Variants in HMCN1 observed in about 807,000 individuals in gnomAD.
HMCN1 encodes the protein hemicentin-1.
Under a neutral mutation model 625.9 loss-of-function variants are expected in HMCN1, and 321 were observed. The observed-to-expected ratio is 0.51, with a 90% CI of 0.47 to 0.56. HMCN1 has a LOEUF of 0.56. Ranked by LOEUF, HMCN1 falls within the 20% of genes least tolerant of loss-of-function variation. HMCN1 has a pLI of 0.00. For missense variants in HMCN1, 6,588 were observed against 6,887.3 expected (o/e 0.96, Z 1.54); for synonymous variants, 2,425 against 2,417.6 (o/e 1.00, Z -0.09).
intron 1 of HMCN1, among the ~76,000 whole-genome samples, chr1:185,845,069 G>T (rs1191958968): frequency 6.6e-6 from 1 of 152,164 alleles, no homozygotes; most frequent in East Asian, 1.9e-4. Flanking sequence ...TGTGAGGATG[G>T]CCACAGCCCT....
chr1:185,983,267 C>T (rs1326741536), intron 18 of HMCN1, among the ~76,000 whole-genome samples: 4 of 151,916 alleles, frequency 2.6e-5, no homozygotes, highest in African/African-American at 9.7e-5. Flanking sequence ...TCTTCTGGCT[C>T]AGAGCATTTT....
intron 52 of HMCN1, among the ~76,000 whole-genome samples, chr1:186,073,219 G>A (rs962552082): frequency 6.6e-6 from 1 of 152,134 alleles, no homozygotes; most frequent in Non-Finnish European, 1.5e-5. Flanking sequence ...ATGAACACAA[G>A]TTAAACTCTG....
At chr1:185,876,994 T>C (rs1663981824) in intron 4 of HMCN1, among the ~76,000 whole-genome samples, 3 of 152,078 alleles carry the variant, frequency 2.0e-5, no homozygotes, top group Non-Finnish European at 4.4e-5. Context: ...GATCAAGGTT[T>C]AGAAGAGCTT....
Position 186,008,340 on chromosome 1 carries a change from A to G in HMCN1, c.4630+1058A>G, listed in dbSNP as rs558493281. On this transcript the variant is annotated intron_variant, in intron 30 of 106. Coordinates refer to ENST00000271588, the MANE Select transcript of HMCN1 (RefSeq NM_031935.3). ...CAAACTAAGATGCACTGTTATATAA[A>G]CTACACACCAGATATCAAAAGCTTA... 7.2e-5 allele frequency among the ~76,000 whole-genome samples: 11 copies of G among 152,232 alleles called. No individual in the cohort carries two copies. In the South Asian group the frequency reaches 1.9e-3, roughly 26 times the overall value.
At chr1:185,906,214 C>G (rs1666087624) in intron 4 of HMCN1, among the ~76,000 whole-genome samples, 1 of 151,862 alleles carries the variant, frequency 6.6e-6, no homozygotes, top group South Asian at 2.1e-4. Flanking sequence ...TACTTTTATT[C>G]ACATATTGGT....
intron 4 of HMCN1, among the ~76,000 whole-genome samples, chr1:185,908,231 GA>G (rs11335005): frequency 0.044 from 6,308 of 142,814 alleles, 449 homozygotes; most frequent in African/African-American, 0.15. Context: ...GAAAGAAACA[GA>G]AAAAAAAAAG....
chr1:185,846,569 G>T (rs1661830810), intron 2 of HMCN1, among the ~76,000 whole-genome samples: 1 of 152,158 alleles, frequency 6.6e-6, no homozygotes, highest in African/African-American at 2.4e-5. Context: ...GAATCACATT[G>T]GTTTAAATGT....
chr1:185,929,667 G>A (rs941859668), intron 10 of HMCN1, among the ~76,000 whole-genome samples: 4 of 152,064 alleles, frequency 2.6e-5, no homozygotes, highest in Non-Finnish European at 5.9e-5. Context: ...TATAATTATA[G>A]GTATATCATA....
chr1:186,037,098 G>A (rs1655881300), intron 36 of HMCN1, among the ~76,000 whole-genome samples: 1 of 151,344 alleles, frequency 6.6e-6, no homozygotes, highest in Admixed American at 6.6e-5. Context: ...TTGATTGTAT[G>A]TGGGTCGAGG....
At chr1:186,186,846 C>T (rs1018038138) in intron 105 of HMCN1, among the ~76,000 whole-genome samples, 2 of 152,122 alleles carry the variant, frequency 1.3e-5, no homozygotes, top group Non-Finnish European at 1.5e-5. Context: ...ACCAGGGGAA[C>T]GAGGATGCCC....
intron 4 of HMCN1, among the ~76,000 whole-genome samples, chr1:185,893,975 A>G (rs1665314962): frequency 6.6e-6 from 1 of 152,058 alleles, no homozygotes; most frequent in Non-Finnish European, 1.5e-5. Flanking sequence ...AAAAACATAG[A>G]TTACAAAAAA....
chr1:185,839,817 A>G (rs539212706), intron 1 of HMCN1, among the ~76,000 whole-genome samples: 29 of 152,312 alleles, frequency 1.9e-4, no homozygotes, highest in African/African-American at 6.0e-4. Flanking sequence ...ACTATGTGCA[A>G]TTTTGTTCAA....
chr1:185,794,601 ATTTTTTTTTT>A (rs34098989), intron 1 of HMCN1, among the ~76,000 whole-genome samples: 4 of 111,194 alleles, frequency 3.6e-5, no homozygotes, highest in African/African-American at 1.5e-4. Context: ...GTCTTTACAC[ATTTTTTTTTT>A]TTTTTTTTTT....
At chr1:185,950,965 G>A (rs1228002286) in intron 11 of HMCN1, among the ~76,000 whole-genome samples, 1 of 150,624 alleles carries the variant, frequency 6.6e-6, no homozygotes, top group African/African-American at 2.4e-5. Context: ...GAGTTTATAG[G>A]CTTTAAAAGG....
chr1:186,066,814 C>T (rs1056533804), intron 49 of HMCN1, among the ~76,000 whole-genome samples: 1 of 152,092 alleles, frequency 6.6e-6, no homozygotes, highest in Non-Finnish European at 1.5e-5. Flanking sequence ...ACTGGGTTCC[C>T]TAGTGTTCTG....
chr1:185,933,048 C>G (rs188976646), intron 10 of HMCN1, among the ~76,000 whole-genome samples: 1 of 151,870 alleles, frequency 6.6e-6, no homozygotes. Flanking sequence ...AAACTGTTCC[C>G]CATTTCTGCT....
intron 54 of HMCN1, among the ~76,000 whole-genome samples, chr1:186,077,300 G>A (rs1658882313): frequency 6.6e-6 from 1 of 152,102 alleles, no homozygotes; most frequent in African/African-American, 2.4e-5. Context: ...AATTAGATCT[G>A]GGTTTGGGGA....
In HMCN1 at chr1:186,019,552, A is replaced by C. The variant is rs137853915; in HGVS notation, c.5482A>C (p.Ile1828Leu). ...FEVTVHVPPT[I>L]KSSGLSERVV... ...TTCCTTAAATATAGTTCCTCCAACAATCAAGTCCTCAGGCCTTTCTGAGAG... is the reference window on the plus strand; with the variant it reads ...TTCCTTAAATATAGTTCCTCCAACACTCAAGTCCTCAGGCCTTTCTGAGAG... Residue 1828 changes from isoleucine to leucine, a missense_variant, in exon 35 of 107, where the codon ATC (isoleucine) becomes CTC (leucine). By Grantham distance (5) the Ile-to-Leu change is conservative (BLOSUM62 2). This residue lies in a region of HMCN1 where 4,628 missense variants were observed against 4,853.1 expected (regional missense o/e 0.95). Transcript: ENST00000271588. The C allele has an allele frequency of 7.5e-6, 12 of 1,610,088 alleles. No individual in the cohort carries two copies. Among genetic ancestry groups the C allele is most frequent in the African/African-American group, 1.3e-5 (1 of 74,724 alleles).
intron 12 of HMCN1, among the ~76,000 whole-genome samples, chr1:185,963,446 G>A (rs1286198329): frequency 6.6e-6 from 1 of 152,102 alleles, no homozygotes; most frequent in Non-Finnish European, 1.5e-5. Context: ...CTGGCTTTGG[G>A]TGAGTTATGT....
Sources: gnomAD v4.1 joint callset for allele counts (sites outside exome capture counted in the v4.1 genomes callset) on GRCh38, gnomAD v4.1.1 for gene constraint, gnomAD v4.1.1 regional missense constraint, MANE v1.5 for transcripts, NCBI Gene and HGNC (gene_info 2026-07-23, HGNC 2026-07-21) for gene names.